The following IARS1 variants were observed in gnomAD, a reference collection of about 807,000 sequenced individuals.
The protein encoded by IARS1 is isoleucyl-tRNA synthetase 1.
IARS1 carries 124 observed loss-of-function variants against 168.2 expected under a neutral mutation model. The observed-to-expected ratio is 0.74, with a 90% confidence interval of 0.64 to 0.86. The LOEUF (loss-of-function observed/expected upper bound fraction) is 0.86, where lower values mean the gene tolerates loss of function less well. Ranked by LOEUF, IARS1 falls within the 40% of genes least tolerant of loss-of-function variation. The pLI is 0.00. For missense variants in IARS1, 1,452 were observed against 1,515.8 expected (o/e 0.96, Z 0.70); for synonymous variants, 532 against 529.4 (o/e 1.00, Z -0.07).
intron 10 of IARS1, among the ~76,000 whole-genome samples, chr9:92,273,852 C>A (rs565250707): frequency 6.6e-6 from 1 of 152,336 alleles, no homozygotes; most frequent in Admixed American, 6.5e-5. Context: ...CACCATGCTA[C>A]ACCATGCTAC....
rs1828540436 is a variant in IARS1 at position 92,242,263 on chromosome 9, T to C, written c.3068A>G (p.Asn1023Ser). ...CTCTGTGTGGCTTTCAATAACACTA[T>C]TCAGATATGTTCCTTCAGACTTTGC... ...YKAKSEGTYL[N>S]SVIESHTEFI... The change falls in exon 29 of 34, where the codon AAT (asparagine) becomes AGT (serine). Residue 1023 changes from asparagine (N) to serine (S), a missense_variant. By Grantham distance (46) the Asn-to-Ser change is conservative. Transcript: ENST00000443024. 4 of 1,613,806 alleles carry C rather than the reference T, an allele frequency of 2.5e-6. No homozygotes were observed. Among genetic ancestry groups the C allele is most frequent in the East Asian group, 4.5e-5 (2 of 44,888 alleles).
At chr9:92,286,723 C>A in intron 4 of IARS1, 105 bp from the exon 5 acceptor site, 1 of 618,270 alleles carries the variant, frequency 1.6e-6, no homozygotes, top group Non-Finnish European at 2.8e-6. Flanking sequence ...TTTGGGAAAA[C>A]AGAATAATCA....
chr9:92,243,543 T>C (rs1450430987), intron 27 of IARS1: 4 of 405,860 alleles, frequency 9.9e-6, no homozygotes, highest in Non-Finnish European at 1.8e-5. Context: ...TGTTTTTTTG[T>C]AGGGTGCTGC....
chr9:92,242,443 G>GTGACTGCCCTT, intron 28 of IARS1, 113 bp from the exon 29 acceptor site: 7 of 764,068 alleles, frequency 9.2e-6, no homozygotes, highest in Non-Finnish European at 1.4e-5. Flanking sequence ...TCACAGAAGG[G>GTGACTGCCCTT]CAGTCACCCT....
At chr9:92,238,962 T>C (rs1264412219) in intron 30 of IARS1, among the ~76,000 whole-genome samples, 1 of 152,150 alleles carries the variant, frequency 6.6e-6, no homozygotes, top group Non-Finnish European at 1.5e-5. Context: ...GGAGTTAAGT[T>C]CCCATGGCAC....
chr9:92,243,722 C>T (rs746847799), intron 27 of IARS1, among the ~76,000 whole-genome samples: 7 of 152,148 alleles, frequency 4.6e-5, no homozygotes, highest in Admixed American at 6.5e-5. Flanking sequence ...ACGGCCTCAG[C>T]GCAGTCAACT....
chr9:92,286,382 A>G (rs952985420), intron 5 of IARS1, among the ~76,000 whole-genome samples, 154 bp downstream of exon 5: 3 of 152,194 alleles, frequency 2.0e-5, no homozygotes, highest in Non-Finnish European at 2.9e-5. Context: ...AATAAAAATA[A>G]AAGTTCTACA....
At chr9:92,280,199 T>C (rs984742036) in intron 7 of IARS1, among the ~76,000 whole-genome samples, 6 of 152,240 alleles carry the variant, frequency 3.9e-5, no homozygotes, top group African/African-American at 9.6e-5. Context: ...ATTCAGCTTT[T>C]TGAAGAAATG....
rs140973877 is a variant in IARS1, at chr9:92,237,289, C to T, written c.3283+3567G>A. ...TTTCTTTCCCTCTTGAGACTTCTTC[C>T]CTAATCATGGATAATTTAAAAGCAT... On this transcript the variant is annotated intron_variant, in intron 30 of 33. Transcript: ENST00000443024. Among the ~76,000 whole-genome samples, 36 of 152,208 alleles carry T rather than the reference C, an allele frequency of 2.4e-4. No homozygotes were observed. In the East Asian group the frequency reaches 6.2e-3, roughly 26 times the overall value.
chr9:92,241,920 C>A (rs1350664968), intron 29 of IARS1, among the ~76,000 whole-genome samples: 2 of 152,130 alleles, frequency 1.3e-5, no homozygotes, highest in African/African-American at 2.4e-5. Context: ...CTCATGTACC[C>A]TCCTGGCTAC....
At chr9:92,269,343 G>C (rs1052807299) in intron 13 of IARS1, among the ~76,000 whole-genome samples, 14 of 152,136 alleles carry the variant, frequency 9.2e-5, no homozygotes, top group Admixed American at 7.2e-4. Flanking sequence ...ACAGGTTCAA[G>C]CCTTGTTTCA....
chr9:92,259,045 A>G, intron 18 of IARS1, 47 bp from the exon 19 acceptor site: 2 of 1,479,798 alleles, frequency 1.4e-6, no homozygotes, highest in Non-Finnish European at 1.8e-6. Context: ...TAGACAGTAA[A>G]CCAATTATTA....
intron 20 of IARS1, among the ~76,000 whole-genome samples, chr9:92,254,125 C>T (rs1564173118): frequency 6.6e-6 from 1 of 152,132 alleles, no homozygotes; most frequent in Admixed American, 6.5e-5. Context: ...CTGGCACAGG[C>T]TATGAATAAA....
chr9:92,278,290 C>A lies in IARS1; in HGVS notation c.746-4G>T, dbSNP rs552255549. 1.9e-6 allele frequency: 3 copies of A among 1,599,412 alleles called. No homozygotes were observed. Among genetic ancestry groups the A allele is most frequent in the Non-Finnish European group, 2.6e-6 (3 of 1,166,784 alleles). On this transcript the variant is annotated splice_polypyrimidine_tract_variant and splice_region_variant and intron_variant, in intron 7 of 33. Transcript: ENST00000443024. ...AGTAATCGTCCTCTGGCAACATCTA[C>A]GAGAAAAAGGAAAAACATGGACTTG...
chr9:92,270,280 C>A (rs1434611860), intron 12 of IARS1, among the ~76,000 whole-genome samples: 1 of 152,126 alleles, frequency 6.6e-6, no homozygotes, highest in Non-Finnish European at 1.5e-5. Flanking sequence ...AATGTGGAAA[C>A]CAAACACGAT....
intron 19 of IARS1, 41 bp downstream of exon 19, chr9:92,258,813 G>C: frequency 1.9e-6 from 3 of 1,546,046 alleles, no homozygotes; most frequent in Non-Finnish European, 2.6e-6. Flanking sequence ...GAGCGCTGTG[G>C]AGACACGGCA....
chr9:92,234,492 C>T (rs573054177), intron 30 of IARS1, among the ~76,000 whole-genome samples: 1 of 152,292 alleles, frequency 6.6e-6, no homozygotes, highest in Admixed American at 6.5e-5. Flanking sequence ...TCAACTGACC[C>T]AGGAATGGCC....
At position 92,215,673 on chromosome 9, in the gene IARS1, C is replaced by T. The variant is rs375678431; in HGVS notation, c.3707-4784G>A. Among the ~76,000 whole-genome samples, 31 of 135,864 alleles carry T rather than the reference C, an allele frequency of 2.3e-4. 1 individual carries two copies. The East Asian group carries it at 3.3e-3, about 14-fold the overall frequency. 89.1% of individuals were successfully genotyped at this position (135,864 alleles called of 152,430 possible). A position where few individuals can be genotyped will look rare whatever the true frequency, so the allele number is the denominator to read the frequency against. ...GATCAACTGGAAGAAAGAATATCAG[C>T]GATGGAAGATGAAATGAATGAAATG... On this transcript the variant is annotated intron_variant, in intron 33 of 33. Transcript: ENST00000443024.
At chr9:92,242,421 C>CATGCTGA (rs1828573488) in intron 28 of IARS1, 91 bp from the exon 29 acceptor site, 1 of 987,872 alleles carries the variant, frequency 1.0e-6, no homozygotes. Flanking sequence ...CTACAGATCC[C>CATGCTGA]ATGCTGAATC....
Sources: gnomAD v4.1 joint callset for allele counts (sites outside exome capture counted in the v4.1 genomes callset) on GRCh38, gnomAD v4.1.1 for gene constraint, MANE v1.5 for transcripts, NCBI Gene and HGNC (gene_info 2026-07-23, HGNC 2026-07-21) for gene names.